GRIN2C: variants seen among roughly 807,000 people sequenced by gnomAD.
GRIN2C encodes the protein glutamate ionotropic receptor NMDA type subunit 2C.
In GRIN2C, 64 loss-of-function variants were observed where a neutral mutation model predicts 77.7. That is an observed-to-expected ratio of 0.82 (90% confidence interval 0.67 to 1.01). The LOEUF (loss-of-function observed/expected upper bound fraction) is 1.01. Among genes scored for constraint, GRIN2C ranks in the 50% least tolerant of loss-of-function variants. The pLI, the probability that GRIN2C is intolerant of heterozygous loss-of-function variation, is 0.00. For missense variants in GRIN2C, 1,549 were observed against 1,486.0 expected (o/e 1.04, Z -0.70); for synonymous variants, 792 against 643.4 (o/e 1.23, Z -3.49).
Position 74,847,276 on chromosome 17 carries a change from C to A in GRIN2C, c.2001+32G>T. ...CGGCCTGTCCCCACCCTCAGTGCCC[C>A]CCCCCACCCCCAGCAGCTATGGCCC... On this transcript the variant is annotated intron_variant, in intron 9 of 12. Transcript: ENST00000293190. This position sits in a 1 kb window ranked among gnomAD's most constrained non-coding sequence, Gnocchi z 5.2. 1 of 991,066 alleles carries A rather than the reference C, an allele frequency of 1.0e-6. No homozygotes were observed. Among genetic ancestry groups the A allele is most frequent in the South Asian group, 1.3e-5 (1 of 78,036 alleles). The allele number at this position is 991,066 out of a possible 1,614,324, so 61.4% of individuals were successfully genotyped here. A position where few individuals can be genotyped will look rare whatever the true frequency, so the allele number is the denominator to read the frequency against.
In GRIN2C at chr17:74,852,679, C is replaced by T. The variant is rs1052875984; in HGVS notation, c.400-68G>A. The T allele has an allele frequency of 6.9e-6, 5 of 721,752 alleles. No homozygotes were observed. In the East Asian group the frequency reaches 1.7e-4, roughly 25 times the overall value. 44.7% of individuals were successfully genotyped at this position (721,752 alleles called of 1,614,324 possible). A position where few individuals can be genotyped will look rare whatever the true frequency, so the allele number is the denominator to read the frequency against. ...CCTCCTCCCGCCCCTTCCCCGACCT[C>T]GGCCCCTCCATCAGCTCCCAGGCGC... is the stretch of plus-strand genomic sequence containing the variant. On this transcript the variant is annotated intron_variant, in intron 2 of 12. Transcript: ENST00000293190.
Position 74,850,713 on chromosome 17 carries a change from A to G in GRIN2C, c.1168T>C (p.Tyr390His). The G allele has an allele frequency of 1.9e-6, 3 of 1,613,530 alleles. No individual in the cohort carries two copies. Among genetic ancestry groups the G allele is most frequent in the Non-Finnish European group, 2.5e-6 (3 of 1,179,994 alleles). ...ACCACAGGCTGCAGAGAGGCACTGT[A>G]GCGAGGCCACACGGGGTACTTCATG... ...LYMKYPVWPR[Y>H]SASLQPVVDS... The change falls in exon 5 of 13, where the codon TAC becomes CAC. Residue 390 changes from tyrosine to histidine, a missense_variant. Tyr to His is a moderately conservative substitution (Grantham distance 83). This residue lies in a region of GRIN2C where 717 missense variants were observed against 858.1 expected (regional missense o/e 0.84). Coordinates refer to ENST00000293190, the MANE Select transcript of GRIN2C (RefSeq NM_000835.6). The surrounding 1 kb of genome is among the most constrained non-coding windows in gnomAD (Gnocchi z 5.3).
In GRIN2C at chr17:74,846,829, T is replaced by C. The variant is rs759248329; in HGVS notation, c.2093A>G (p.Asp698Gly). Residue 698 changes from aspartate to glycine, a missense_variant, in exon 10 of 13, where the codon GAC becomes GGC. Transcript: ENST00000293190. This position sits in a 1 kb window ranked among gnomAD's most constrained non-coding sequence, Gnocchi z 4.4. Reference sequence around the variant, plus strand: ...GAACTTGACCATGTGGGTGTGCATGTCACGGTAGTTACTGCGGATGTTCCG... The same window carrying C: ...GAACTTGACCATGTGGGTGTGCATGCCACGGTAGTTACTGCGGATGTTCCG... ...TERNIRSNYR[D>G]MHTHMVKFNQ... 46 of 1,614,020 alleles carry C rather than the reference T, an allele frequency of 2.9e-5. No homozygotes were observed. In the Admixed American group the frequency reaches 7.7e-4, roughly 27 times the overall value.
At position 74,846,811 on chromosome 17, in the gene GRIN2C, A is replaced by G; in HGVS notation, c.2111T>C (p.Val704Ala). The G allele has an allele frequency of 6.2e-7, 1 of 1,614,120 alleles. No homozygotes were observed. The change falls in exon 10 of 13, where the codon GTC becomes GCC. Residue 704 changes from valine (V) to alanine (A), a missense_variant. Physicochemically the swap from Val to Ala is moderately conservative, Grantham distance 64. This residue lies in a region of GRIN2C where 717 missense variants were observed against 858.1 expected (regional missense o/e 0.84). Transcript: ENST00000293190. This position sits in a 1 kb window ranked among gnomAD's most constrained non-coding sequence, Gnocchi z 4.4. ...SNYRDMHTHM[V>A]KFNQRSVEDA... Reference sequence around the variant, plus strand: ...CTCCACCGAGCGCTGGTTGAACTTGACCATGTGGGTGTGCATGTCACGGTA... The same window carrying G: ...CTCCACCGAGCGCTGGTTGAACTTGGCCATGTGGGTGTGCATGTCACGGTA...
chr17:74,854,479 C>A (rs2037753854), intron 2 of GRIN2C: 1 of 543,832 alleles, frequency 1.8e-6, no homozygotes, highest in African/African-American at 1.9e-5. Context: ...CTGCCCACCC[C>A]TCATCCAGAC....
chr17:74,847,725 C>G lies in GRIN2C; in HGVS notation c.1771+127G>C. ...CTGTGTGTGTGTGTCATCTGACTGGCCCCCAGCATGTGCCATCCAAAAGCA... is the reference window on the plus strand; with the variant it reads ...CTGTGTGTGTGTGTCATCTGACTGGGCCCCAGCATGTGCCATCCAAAAGCA... On this transcript the variant is annotated intron_variant, in intron 8 of 12. Transcript: ENST00000293190. This position sits in a 1 kb window ranked among gnomAD's most constrained non-coding sequence, Gnocchi z 5.2. 2.1e-6 allele frequency: 2 copies of G among 961,558 alleles called. No homozygotes were observed. The highest frequency in any genetic ancestry group is 3.2e-5 in the African/African-American group (2 of 62,122). The allele number at this position is 961,558 out of a possible 1,614,324, so 59.6% of individuals were successfully genotyped here.
rs1021780064 is a variant in GRIN2C, at chr17:74,847,711, T to C, written c.1771+141A>G. 2 of 873,464 alleles carry C rather than the reference T, an allele frequency of 2.3e-6. No homozygotes were observed. Among genetic ancestry groups the C allele is most frequent in the Non-Finnish European group, 3.6e-6 (2 of 554,432 alleles). The allele number at this position is 873,464 out of a possible 1,614,324, so 54.1% of individuals were successfully genotyped here. A position where few individuals can be genotyped will look rare whatever the true frequency, so the allele number is the denominator to read the frequency against. ...TCACGTGTGTGTTTCTGTGTGTGTGTGTCATCTGACTGGCCCCCAGCATGT... is the reference window on the plus strand; with the variant it reads ...TCACGTGTGTGTTTCTGTGTGTGTGCGTCATCTGACTGGCCCCCAGCATGT... On this transcript the variant is annotated intron_variant, in intron 8 of 12. Coordinates refer to ENST00000293190, the MANE Select transcript of GRIN2C (RefSeq NM_000835.6). The surrounding 1 kb of genome is among the most constrained non-coding windows in gnomAD (Gnocchi z 5.2).
chr17:74,860,622 G>A, upstream of GRIN2C: 1 of 407,190 alleles, frequency 2.5e-6, no homozygotes, highest in South Asian at 1.7e-5. Flanking sequence ...CAGGCGGCTG[G>A]TGCGCAGCCA....
At chr17:74,856,482 T>TC (rs1491317003) in intron 1 of GRIN2C, among the ~76,000 whole-genome samples, 16 of 9,576 alleles carry the variant, frequency 1.7e-3, no homozygotes, top group Middle Eastern at 0.071. Flanking sequence ...TCTCTCTCTC[T>TC]TTTTTTTTTT....
chr17:74,860,783 G>A (rs577737657), upstream of GRIN2C: 38 of 342,062 alleles, frequency 1.1e-4, no homozygotes, highest in African/African-American at 8.0e-4. Flanking sequence ...GCAGGAAGGA[G>A]AGAGCTAGGC....
chr17:74,850,456 G>A lies in GRIN2C; in HGVS notation c.1326-85C>T, dbSNP rs1431240517. 16 of 1,566,820 alleles carry A rather than the reference G, an allele frequency of 1.0e-5. No homozygotes were observed. The highest frequency in any genetic ancestry group is 5.0e-5 in the Admixed American group (3 of 59,782). On this transcript the variant is annotated intron_variant, in intron 5 of 12. Transcript: ENST00000293190. This position sits in a 1 kb window ranked among gnomAD's most constrained non-coding sequence, Gnocchi z 5.3. ...CCCAGCCACTCCTCCAGCCTGGCAC[G>A]TGGACCCCTGCCCCACACCCAAGCA...
intron 3 of GRIN2C, 148 bp from the exon 4 acceptor site, chr17:74,851,839 C>G: frequency 1.4e-6 from 1 of 692,814 alleles, no homozygotes; most frequent in Non-Finnish European, 2.5e-6. Flanking sequence ...CTTGCCACAC[C>G]CTGACACCTG....
intron 2 of GRIN2C, chr17:74,852,860 G>GT (rs921684102): frequency 1.0e-5 from 4 of 398,526 alleles, no homozygotes; most frequent in African/African-American, 8.3e-5. Context: ...CCACTGGGGA[G>GT]TTTGTCAGAA....
chr17:74,843,653 A>T, intron 12 of GRIN2C, 100 bp from the exon 13 acceptor site: 1 of 1,407,904 alleles, frequency 7.1e-7, no homozygotes, highest in South Asian at 1.3e-5. Flanking sequence ...AGTCTTCTAT[A>T]AGTCTCAGGA....
intron 4 of GRIN2C, chr17:74,851,049 C>A: frequency 1.9e-6 from 1 of 518,416 alleles, no homozygotes; most frequent in Admixed American, 3.2e-5. Flanking sequence ...GCACTCAAGG[C>A]CCTTCATGCT....
Position 74,842,643 on chromosome 17 carries a change from C to T in GRIN2C, c.3494G>A (p.Cys1165Tyr), listed in dbSNP as rs373436088. The T allele has an allele frequency of 4.0e-6, 3 of 751,836 alleles. No homozygotes were observed. The highest frequency in any genetic ancestry group is 3.4e-5 in the African/African-American group (2 of 58,590). 46.6% of individuals were successfully genotyped at this position (751,836 alleles called of 1,614,324 possible). A position where few individuals can be genotyped will look rare whatever the true frequency, so the allele number is the denominator to read the frequency against. Reference protein sequence around the residue: ...AHLPFCWGAVCPHLPPCASHG... With the variant: ...AHLPFCWGAVYPHLPPCASHG... ...GCTGGCACAGGGTGGAAGGTGAGGA[C>T]AGACAGCCCCCCAGCAAAATGGCAG... The change falls in exon 13 of 13, where the codon TGT becomes TAT. Residue 1165 changes from cysteine to tyrosine, a missense_variant. This residue lies in a region of GRIN2C where 450 missense variants were observed against 267.9 expected (regional missense o/e 1.68). Coordinates refer to ENST00000293190, the MANE Select transcript of GRIN2C (RefSeq NM_000835.6).
Position 74,842,813 on chromosome 17 carries a change from G to A in GRIN2C, c.3324C>T (p.Pro1108=). 2 of 609,370 alleles carry A rather than the reference G, an allele frequency of 3.3e-6. No individual in the cohort carries two copies. The highest frequency in any genetic ancestry group is 2.9e-6 in the Non-Finnish European group (1 of 346,834). 37.7% of individuals were successfully genotyped at this position (609,370 alleles called of 1,614,324 possible). The change falls in exon 13 of 13, where the codon CCC becomes CCT. Residue 1108 remains proline, a synonymous_variant. Coordinates refer to ENST00000293190, the MANE Select transcript of GRIN2C (RefSeq NM_000835.6). ...AGCGCCTGCAGGCCGAGTGGCCGTC[G>A]GGGCGGGCGCAGGCGGGGCCGGTGC... ...AGCTGPACAR[P]DGHSACRRLA... is the part of the protein sequence containing the mutation.
chr17:74,842,950 G>A lies in GRIN2C; in HGVS notation c.3187C>T (p.Arg1063Trp). Residue 1063 changes from arginine (R) to tryptophan (W), a missense_variant, in exon 13 of 13, where the codon CGG becomes TGG. Physicochemically the swap from Arg to Trp is moderately radical, Grantham distance 101. Transcript: ENST00000293190. ...CAGGCCGCGTGCAGCAGGGCCTCCC[G>A]CCGGGCCAGCTGCTCCGGACCGAGC... ...PLLGPEQLAR[R>W]EALLHAAWAR... The A allele has an allele frequency of 3.6e-6, 2 of 552,504 alleles. No homozygotes were observed. Among genetic ancestry groups the A allele is most frequent in the South Asian group, 2.2e-5 (1 of 45,232 alleles). The allele number at this position is 552,504 out of a possible 1,614,324, so 34.2% of individuals were successfully genotyped here.
chr17:74,860,116 C>T (rs1481744660), upstream of GRIN2C, among the ~76,000 whole-genome samples: 1 of 152,072 alleles, frequency 6.6e-6, no homozygotes, highest in Non-Finnish European at 1.5e-5. Flanking sequence ...CAGGCCCGCC[C>T]GGGGGCCCTG....
Sources: gnomAD v4.1 joint callset for allele counts (sites outside exome capture counted in the v4.1 genomes callset) on GRCh38, gnomAD v4.1.1 for gene constraint, gnomAD v4.1.1 regional missense constraint, Gnocchi (gnomAD v3.1) non-coding constraint, MANE v1.5 for transcripts, NCBI Gene and HGNC (gene_info 2026-07-23, HGNC 2026-07-21) for gene names.